The following PLEKHH2 variants were observed in gnomAD, a reference collection of about 807,000 sequenced individuals.
PLEKHH2 encodes the protein pleckstrin homology domain-containing family H member 2.
A neutral mutation model predicts 187.9 loss-of-function variants in PLEKHH2; 129 were observed. The ratio of observed to expected loss-of-function variants is 0.69; its 90% CI spans 0.59 to 0.79. The LOEUF (loss-of-function observed/expected upper bound fraction) is 0.79, where lower values mean the gene tolerates loss of function less well. PLEKHH2 is among the 30% of genes least tolerant of loss of function. PLEKHH2 has a pLI of 0.00. For missense variants in PLEKHH2, 2,076 were observed against 1,751.2 expected (o/e 1.19, Z -3.31); for synonymous variants, 686 against 605.6 (o/e 1.13, Z -1.95).
chr2:43,734,541 C>T (rs1037401994), intron 19 of PLEKHH2, among the ~76,000 whole-genome samples: 3 of 152,124 alleles, frequency 2.0e-5, no homozygotes, highest in Admixed American at 6.6e-5. Context: ...AAATCAGCAT[C>T]GTAATGAAAT....
chr2:43,705,005 T>C, intron 9 of PLEKHH2, among the ~76,000 whole-genome samples: 1 of 152,130 alleles, frequency 6.6e-6, no homozygotes, highest in East Asian at 1.9e-4. Flanking sequence ...TGTCCTTTTT[T>C]CCCAGAATTT....
At position 43,742,805 on chromosome 2, in the gene PLEKHH2, G is replaced by A. The variant is rs757447835; in HGVS notation, c.3286G>A (p.Asp1096Asn). The change falls in exon 22 of 30, where the codon GAC (aspartate) becomes AAC (asparagine). Residue 1096 changes from aspartate (D) to asparagine (N), a missense_variant. Coordinates refer to ENST00000282406, the MANE Select transcript of PLEKHH2 (RefSeq NM_172069.4). ...RCVERTQQNG[D>N]REARPSRMEI... is the part of the protein sequence containing the mutation. The stretch of plus-strand genomic sequence containing the variant: ...TGTAGAAAGAACGCAACAAAATGGT[G>A]ACAGAGAAGCAAGACCCTCAAGGAT... 1 of 1,606,848 alleles carries A rather than the reference G, an allele frequency of 6.2e-7. No homozygotes were observed. The highest frequency in any genetic ancestry group is 8.5e-7 in the Non-Finnish European group (1 of 1,177,268).
In PLEKHH2 at chr2:43,764,327, C is replaced by A. The variant is rs1401557050; in HGVS notation, c.4258C>A (p.Pro1420Thr). 6.2e-7 allele frequency: 1 copy of A among 1,612,018 alleles called. No individual in the cohort carries two copies. The highest frequency in any genetic ancestry group is 2.2e-5 in the East Asian group (1 of 44,706). ...TAACAATACACATTCAAAGGACAAA[C>A]CAACAGAGAAATTACTTTTTGCCAT... The part of the protein sequence containing the change: ...VINNTHSKDK[P>T]TEKLLFAMAK... The change falls in exon 29 of 30, where the codon CCA (proline) becomes ACA (threonine). Residue 1420 changes from proline to threonine, a missense_variant. Coordinates refer to ENST00000282406, the MANE Select transcript of PLEKHH2 (RefSeq NM_172069.4).
At chr2:43,745,798 C>A in intron 23 of PLEKHH2, 68 bp from the exon 24 acceptor site, 3 of 1,201,614 alleles carry the variant, frequency 2.5e-6, no homozygotes, top group South Asian at 1.4e-5. Flanking sequence ...CAGTCTGCAG[C>A]ACACTTGTCT....
chr2:43,657,810 A>G (rs1666868165), intron 2 of PLEKHH2, among the ~76,000 whole-genome samples: 1 of 152,224 alleles, frequency 6.6e-6, no homozygotes, highest in South Asian at 2.1e-4. Context: ...TATCTGCAGC[A>G]TTGATAGATA....
chr2:43,725,541 C>G (rs570060225), intron 16 of PLEKHH2, among the ~76,000 whole-genome samples: 36 of 152,232 alleles, frequency 2.4e-4, no homozygotes, highest in African/African-American at 8.2e-4. Context: ...AGAAAAGGAG[C>G]TATCTTTGAG....
At chr2:43,672,608 T>C (rs953735464) in intron 2 of PLEKHH2, among the ~76,000 whole-genome samples, 5 of 152,242 alleles carry the variant, frequency 3.3e-5, no homozygotes, top group African/African-American at 1.2e-4. Flanking sequence ...CCTTTTTCTA[T>C]GTACTTTCAT....
At chr2:43,675,477 C>T in intron 2 of PLEKHH2, 1 of 1,614,002 alleles carries the variant, frequency 6.2e-7, no homozygotes, top group Non-Finnish European at 8.5e-7. Flanking sequence ...TTACTTCCAT[C>T]TTTTGGGGGG....
intron 15 of PLEKHH2, among the ~76,000 whole-genome samples, chr2:43,714,488 A>G (rs1280072518): frequency 6.6e-6 from 1 of 152,174 alleles, no homozygotes; most frequent in Non-Finnish European, 1.5e-5. Flanking sequence ...CTGAGCTCAC[A>G]TTCAGGCTGC....
intron 7 of PLEKHH2, among the ~76,000 whole-genome samples, chr2:43,698,839 A>C (rs1015608184): frequency 6.6e-6 from 1 of 152,220 alleles, no homozygotes. Context: ...GTTATACATA[A>C]AAATAAACCA....
At chr2:43,719,427 G>T (rs765957809) in intron 15 of PLEKHH2, among the ~76,000 whole-genome samples, 24 of 152,034 alleles carry the variant, frequency 1.6e-4, no homozygotes, top group Non-Finnish European at 3.1e-4. Context: ...GAATTCTTCA[G>T]GTTTTCATCT....
At chr2:43,713,931 C>T (rs1670089209) in intron 15 of PLEKHH2, among the ~76,000 whole-genome samples, 1 of 152,124 alleles carries the variant, frequency 6.6e-6, no homozygotes, top group African/African-American at 2.4e-5. Flanking sequence ...AAAGGTAAAA[C>T]TTAATTCACT....
chr2:43,684,819 C>CA (rs534046953), intron 3 of PLEKHH2, among the ~76,000 whole-genome samples: 25,152 of 109,594 alleles, frequency 0.23, 3,658 homozygotes, highest in African/African-American at 0.45. Context: ...CTCCCATTAC[C>CA]AAAAAAAAAA....
chr2:43,652,576 C>A (rs1017823636), intron 2 of PLEKHH2, among the ~76,000 whole-genome samples: 4 of 152,144 alleles, frequency 2.6e-5, no homozygotes, highest in Non-Finnish European at 4.4e-5. Flanking sequence ...CTCCATGAGT[C>A]CAGGAGGAAA....
chr2:43,764,302 T>A lies in PLEKHH2; in HGVS notation c.4233T>A (p.Ile1411=). The change falls in exon 29 of 30, where the codon ATT becomes ATA. Residue 1411 remains isoleucine (I), a synonymous_variant. Transcript: ENST00000282406. Reference sequence around the variant, plus strand: ...ATCAAGATGATTTTATGGTAGTCATTAACAATACACATTCAAAGGACAAAC... The same window carrying A: ...ATCAAGATGATTTTATGGTAGTCATAAACAATACACATTCAAAGGACAAAC... ...GGYQDDFMVV[I]NNTHSKDKPT... is the part of the protein sequence containing the mutation. 6.2e-7 allele frequency: 1 copy of A among 1,607,436 alleles called. No individual in the cohort carries two copies. The highest frequency in any genetic ancestry group is 8.5e-7 in the Non-Finnish European group (1 of 1,175,836).
rs1668015707 is a variant in PLEKHH2, at chr2:43,678,876, A to C, written c.137A>C (p.Glu46Ala). ...ELLAEKMQQL[E>A]RQVIDAERQA... ...CTCACTCTACAGATGCAACAGCTTG[A>C]GAGACAAGTTATTGATGCTGAACGT... Residue 46 changes from glutamate to alanine, a missense_variant, in exon 3 of 30, where the codon GAG (glutamate) becomes GCG (alanine). Physicochemically the swap from Glu to Ala is moderately radical, Grantham distance 107. Transcript: ENST00000282406. 7 of 1,606,206 alleles carry C rather than the reference A, an allele frequency of 4.4e-6. No individual in the cohort carries two copies. The highest frequency in any genetic ancestry group is 6.0e-6 in the Non-Finnish European group (7 of 1,174,598).
At chr2:43,640,741 A>G (rs948476854) in intron 1 of PLEKHH2, among the ~76,000 whole-genome samples, 2 of 152,020 alleles carry the variant, frequency 1.3e-5, no homozygotes, top group African/African-American at 4.8e-5. Context: ...ATAAATCTCT[A>G]TTCAGATACT....
chr2:43,711,393 G>T (rs974661384), intron 14 of PLEKHH2: 2 of 984,546 alleles, frequency 2.0e-6, no homozygotes, highest in African/African-American at 1.7e-5. Context: ...TGGAAAATTT[G>T]CAGTGTGGCT....
At chr2:43,746,297 A>G (rs1671776331) in intron 24 of PLEKHH2, among the ~76,000 whole-genome samples, 2 of 152,220 alleles carry the variant, frequency 1.3e-5, no homozygotes, top group African/African-American at 4.8e-5. Flanking sequence ...TGAGGTCAGG[A>G]GTTCAAGACC....
Sources: allele counts gnomAD v4.1 joint callset (sites outside exome capture counted in the v4.1 genomes callset), GRCh38; gene constraint gnomAD v4.1.1; transcripts MANE v1.5; gene names NCBI Gene and HGNC (gene_info 2026-07-23, HGNC 2026-07-21).